Variants in TAAR5 observed in about 807,000 individuals in gnomAD.
The protein encoded by TAAR5 is trace amine-associated receptor 5.
TAAR5 carries 27 observed loss-of-function variants against 21.1 expected under a neutral mutation model. That is an observed-to-expected ratio of 1.28 (90% CI 0.94 to 1.76). TAAR5 has a LOEUF of 1.76. Ranked by LOEUF, TAAR5 falls within the 40% of genes most tolerant of loss-of-function variation. The pLI, the probability that TAAR5 is intolerant of heterozygous loss-of-function variation, is 0.00. For synonymous variants in TAAR5, 203 were observed against 167.5 expected (o/e 1.21, Z -1.64); for missense variants, 495 against 405.6 (o/e 1.22, Z -1.89).
chr6:132,588,748 C>G lies in TAAR5; in HGVS notation c.939G>C (p.Arg313=), dbSNP rs766589819. 4 of 1,614,038 alleles carry G rather than the reference C, an allele frequency of 2.5e-6. No homozygotes were observed. Among genetic ancestry groups the G allele is most frequent in the East Asian group, 2.2e-5 (1 of 44,862 alleles). ...IIYVFSYQWF[R]KALKLTLSQK... ...GGCTCAGTGTGAGTTTCAGTGCCTT[C>G]CGAAACCACTGGTAGGAAAAGACAT... The change falls in exon 1 of 1, where the codon CGG becomes CGC. Residue 313 remains arginine, a synonymous_variant. Coordinates refer to ENST00000258034, the MANE Select transcript of TAAR5 (RefSeq NM_003967.3).
chr6:132,610,575 C>T, the TAAR5 span, among the ~76,000 whole-genome samples: 3 of 152,136 alleles, frequency 2.0e-5, no homozygotes, highest in Middle Eastern at 3.4e-3. Context: ...TCTTCCTGAC[C>T]GACGGGGAAG....
chr6:132,605,158 C>A, the TAAR5 span, among the ~76,000 whole-genome samples: 1 of 152,256 alleles, frequency 6.6e-6, no homozygotes, highest in Non-Finnish European at 1.5e-5. Flanking sequence ...CAGCCCCATG[C>A]CCAGACTGGG....
the TAAR5 span, among the ~76,000 whole-genome samples, chr6:132,616,616 G>A: frequency 6.6e-6 from 1 of 152,180 alleles, no homozygotes; most frequent in South Asian, 2.1e-4. Flanking sequence ...GCAGAATCTA[G>A]TAAAGGCTTA....
chr6:132,608,453 C>G, the TAAR5 span: 31,984 of 455,470 alleles, frequency 0.07, 4,324 homozygotes, highest in African/African-American at 0.39. Flanking sequence ...TCAATCAGAA[C>G]AGCAAGAAAA....
At chr6:132,600,915 AGGAAGGAAGGAG>A in the TAAR5 span, among the ~76,000 whole-genome samples, 1 of 122,964 alleles carries the variant, frequency 8.1e-6, no homozygotes, top group Admixed American at 7.8e-5. Flanking sequence ...GAGGGAAAGA[AGGAAGGAAGGAG>A]GGAAGGAGGG....
upstream of TAAR5, among the ~76,000 whole-genome samples, chr6:132,591,465 C>T (rs1294347165): frequency 2.6e-5 from 4 of 152,172 alleles, no homozygotes; most frequent in Admixed American, 2.6e-4. Flanking sequence ...TGGCTAAACC[C>T]AGTGTTTCCC....
chr6:132,609,009 C>T, the TAAR5 span: 1 of 455,914 alleles, frequency 2.2e-6, no homozygotes, highest in East Asian at 7.0e-5. Flanking sequence ...CCACTGATCG[C>T]ATTATGCTGT....
chr6:132,601,441 C>A, the TAAR5 span, among the ~76,000 whole-genome samples: 2 of 152,166 alleles, frequency 1.3e-5, no homozygotes, highest in Non-Finnish European at 2.9e-5. Flanking sequence ...GTGTTCTGTG[C>A]TATATGCCCC....
chr6:132,593,326 C>G (rs1000171485), upstream of TAAR5, among the ~76,000 whole-genome samples: 5 of 152,096 alleles, frequency 3.3e-5, no homozygotes, highest in African/African-American at 1.2e-4. Context: ...GTCAAAATTC[C>G]CTTGAGGCCA....
upstream of TAAR5, among the ~76,000 whole-genome samples, chr6:132,591,783 C>T (rs1427189762): frequency 6.6e-6 from 1 of 152,142 alleles, no homozygotes; most frequent in Admixed American, 6.5e-5. Context: ...TACATCAGAC[C>T]TACTAAAATG....
chr6:132,595,266 G>A, the TAAR5 span: 1 of 153,248 alleles, frequency 6.5e-6, no homozygotes, highest in Non-Finnish European at 1.5e-5. Context: ...AGTGAGCGAT[G>A]GAAATCATTA....
At chr6:132,610,294 T>A in the TAAR5 span, among the ~76,000 whole-genome samples, 9,706 of 152,016 alleles carry the variant, frequency 0.064, 516 homozygotes, top group African/African-American at 0.14. Flanking sequence ...AAGCACAGAG[T>A]CTGCTTAGTG....
At chr6:132,597,184 G>A in the TAAR5 span, among the ~76,000 whole-genome samples, 1 of 152,018 alleles carries the variant, frequency 6.6e-6, no homozygotes, top group Admixed American at 6.6e-5. Context: ...GAAAAACATG[G>A]CATGAAACAA....
chr6:132,602,689 T>A, the TAAR5 span, among the ~76,000 whole-genome samples: 4 of 151,528 alleles, frequency 2.6e-5, no homozygotes, highest in African/African-American at 4.9e-5. Context: ...ATCTTTAAGT[T>A]TGTGAAGGCT....
At chr6:132,604,141 C>T in the TAAR5 span, among the ~76,000 whole-genome samples, 7 of 127,474 alleles carry the variant, frequency 5.5e-5, no homozygotes, top group South Asian at 2.7e-4. Context: ...TTCTTTTTTT[C>T]TTTTCTTTTT....
At chr6:132,598,064 G>A in the TAAR5 span, among the ~76,000 whole-genome samples, 3 of 152,154 alleles carry the variant, frequency 2.0e-5, no homozygotes, top group African/African-American at 7.2e-5. Context: ...GAAAAAATTA[G>A]GGGAGGACGT....
chr6:132,593,420 G>A (rs1776934178), upstream of TAAR5, among the ~76,000 whole-genome samples: 1 of 152,158 alleles, frequency 6.6e-6, no homozygotes, highest in African/African-American at 2.4e-5. Flanking sequence ...TCGTTGAACC[G>A]AGTGACTTTT....
the TAAR5 span, among the ~76,000 whole-genome samples, chr6:132,612,387 A>AGGG: frequency 6.6e-6 from 1 of 152,198 alleles, no homozygotes; most frequent in Non-Finnish European, 1.5e-5. Context: ...ATGTCCCTAT[A>AGGG]AATGAATGGA....
the TAAR5 span, among the ~76,000 whole-genome samples, chr6:132,605,364 G>A: frequency 6.6e-6 from 1 of 152,340 alleles, no homozygotes; most frequent in East Asian, 1.9e-4. Context: ...AGTACTCAAT[G>A]TCTACCTTAA....
Sources: gnomAD v4.1 joint callset for allele counts (sites outside exome capture counted in the v4.1 genomes callset) on GRCh38, gnomAD v4.1.1 for gene constraint, MANE v1.5 for transcripts, NCBI Gene and HGNC (gene_info 2026-07-23, HGNC 2026-07-21) for gene names.